The following NAT2 variants were observed in gnomAD, a reference collection of about 807,000 sequenced individuals.
NAT2 encodes the protein arylamine N-acetyltransferase 2.
For missense variants in NAT2, 428 were observed against 339.1 expected (o/e 1.26, Z -2.06); for synonymous variants, 137 against 125.9 (o/e 1.09, Z -0.59).
rs200585149 is a variant in NAT2 at position 18,400,509 on chromosome 8, A to G, written c.506A>G (p.Tyr169Cys). ...CTGGACCAAATCAGGAGAGAGCAGT[A>G]TATTACAAACAAAGAATTTCTTAAT... ...WYLDQIRREQYITNKEFLNSH... is the reference protein window; with the variant it reads ...WYLDQIRREQCITNKEFLNSH... Residue 169 changes from tyrosine to cysteine, a missense_variant, in exon 2 of 2, where the codon TAT (tyrosine) becomes TGT (cysteine). Transcript: ENST00000286479. The G allele has an allele frequency of 6.2e-7, 1 of 1,613,662 alleles. No individual in the cohort carries two copies. The highest frequency in any genetic ancestry group is 2.2e-5 in the East Asian group (1 of 44,866).
chr8:18,399,770 C>T (rs7832071), intron 1 of NAT2, among the ~76,000 whole-genome samples: 59,759 of 151,402 alleles, frequency 0.39, 12,338 homozygotes, highest in Middle Eastern at 0.46. Context: ...GCTTAAAAGA[C>T]GGAAGATACA....
chr8:18,391,550 AC>A (rs1800592329), intron 1 of NAT2, among the ~76,000 whole-genome samples: 1 of 152,028 alleles, frequency 6.6e-6, no homozygotes. Flanking sequence ...GAGTTCAGGC[AC>A]AACTGACCAG....
intron 1 of NAT2, among the ~76,000 whole-genome samples, chr8:18,398,938 A>C (rs1323657677): frequency 6.6e-6 from 1 of 152,198 alleles, no homozygotes; most frequent in African/African-American, 2.4e-5. Flanking sequence ...CAGTAGCTAG[A>C]CAGATCACTT....
upstream of NAT2, among the ~76,000 whole-genome samples, chr8:18,388,925 G>C (rs1393129062): frequency 6.6e-6 from 1 of 152,114 alleles, no homozygotes; most frequent in Non-Finnish European, 1.5e-5. Flanking sequence ...TGGTTTGAAG[G>C]TCTTGATGAC....
chr8:18,399,887 A>G, intron 1 of NAT2, 111 bp from the exon 2 acceptor site: 1 of 1,216,936 alleles, frequency 8.2e-7, no homozygotes, highest in Non-Finnish European at 1.1e-6. Flanking sequence ...ACAGATACTT[A>G]TAACCATTGT....
chr8:18,393,247 C>CA (rs2117613294), intron 1 of NAT2, among the ~76,000 whole-genome samples: 1 of 152,032 alleles, frequency 6.6e-6, no homozygotes, highest in East Asian at 1.9e-4. Flanking sequence ...TAGATAGAGA[C>CA]AGTCATAGCA....
chr8:18,396,630 G>A (rs1219535499), intron 1 of NAT2, among the ~76,000 whole-genome samples: 3 of 152,062 alleles, frequency 2.0e-5, no homozygotes, highest in African/African-American at 4.8e-5. Context: ...CCCTGACCTC[G>A]TGATCTGCCC....
In NAT2 at chr8:18,401,164, G is replaced by C. The variant is rs907108548; in HGVS notation, c.*288G>C. ...AGAAAACATTTAATATTGATTTATT[G>C]TTGAATTCATAGTAAATTTTTACTG... On this transcript the variant is annotated 3_prime_UTR_variant, in exon 2 of 2. Coordinates refer to ENST00000286479, the MANE Select transcript of NAT2 (RefSeq NM_000015.3). 3 of 258,196 alleles carry C rather than the reference G, an allele frequency of 1.2e-5. No homozygotes were observed. The highest frequency in any genetic ancestry group is 5.5e-5 in the Admixed American group (1 of 18,110). 16.0% of individuals were successfully genotyped at this position (258,196 alleles called of 1,614,324 possible).
At chr8:18,395,676 A>C (rs1363287245) in intron 1 of NAT2, among the ~76,000 whole-genome samples, 1 of 152,158 alleles carries the variant, frequency 6.6e-6, no homozygotes, top group East Asian at 1.9e-4. Context: ...TTGAAACTTA[A>C]AACAAGTTTC....
At chr8:18,390,579 T>C (rs879646425), upstream of NAT2, among the ~76,000 whole-genome samples, 29 of 152,216 alleles carry the variant, frequency 1.9e-4, 1 homozygote, top group Admixed American at 1.9e-3. Context: ...AAACATTATA[T>C]ACAATGTTTA....
intron 1 of NAT2, among the ~76,000 whole-genome samples, chr8:18,392,907 A>C (rs1250221614): frequency 1.3e-5 from 2 of 152,174 alleles, no homozygotes; most frequent in Non-Finnish European, 2.9e-5. Context: ...ACCTTTTCTC[A>C]GAAGCAAAAG....
chr8:18,397,363 A>G (rs993246896), intron 1 of NAT2, among the ~76,000 whole-genome samples: 2 of 152,134 alleles, frequency 1.3e-5, no homozygotes, highest in African/African-American at 4.8e-5. Context: ...AAAGTTATAG[A>G]TATAAAGATG....
chr8:18,400,461 C>T lies in NAT2; in HGVS notation c.458C>T (p.Thr153Ile), dbSNP rs72466460. 41 of 1,613,604 alleles carry T rather than the reference C, an allele frequency of 2.5e-5. No individual in the cohort carries two copies. The highest frequency in any genetic ancestry group is 4.0e-5 in the African/African-American group (3 of 74,784). ...QPQVPCIFCL[T>I]EERGIWYLDQ... is the part of the protein sequence containing the mutation. The stretch of plus-strand genomic sequence containing the variant: ...CAGGTGCCTTGCATTTTCTGCTTGA[C>T]AGAAGAGAGAGGAATCTGGTACCTG... The change falls in exon 2 of 2, where the codon ACA becomes ATA. Residue 153 changes from threonine (T) to isoleucine (I), a missense_variant. Coordinates refer to ENST00000286479, the MANE Select transcript of NAT2 (RefSeq NM_000015.3).
At chr8:18,396,572 T>A (rs1800695838) in intron 1 of NAT2, among the ~76,000 whole-genome samples, 1 of 152,170 alleles carries the variant, frequency 6.6e-6, no homozygotes, top group African/African-American at 2.4e-5. Context: ...ATTTTTGTAT[T>A]TTTAGTAGAG....
intron 1 of NAT2, among the ~76,000 whole-genome samples, chr8:18,393,208 G>T (rs998054193): frequency 1.3e-5 from 2 of 152,092 alleles, no homozygotes; most frequent in African/African-American, 4.8e-5. Flanking sequence ...CAAGGTAATA[G>T]CTTTGGGGAG....
rs1381655226 is a variant in NAT2 at position 18,400,584 on chromosome 8, T to C, written c.581T>C (p.Leu194Pro). ...CACCAAAAAATATACTTATTTACGC[T>C]TGAACCTCGAACAATTGAAGATTTT... is the stretch of plus-strand genomic sequence containing the variant. The part of the protein sequence containing the change: ...KKHQKIYLFT[L>P]EPRTIEDFES... The change falls in exon 2 of 2, where the codon CTT (leucine) becomes CCT (proline). Residue 194 changes from leucine (L) to proline (P), a missense_variant. Physicochemically the swap from Leu to Pro is moderately conservative, Grantham distance 98 (BLOSUM62 -3). Coordinates refer to ENST00000286479, the MANE Select transcript of NAT2 (RefSeq NM_000015.3). 5 of 1,613,074 alleles carry C rather than the reference T, an allele frequency of 3.1e-6. No individual in the cohort carries two copies. In the East Asian group the frequency reaches 8.9e-5, roughly 29 times the overall value.
chr8:18,392,990 G>A (rs1385693038), intron 1 of NAT2, among the ~76,000 whole-genome samples: 1 of 152,110 alleles, frequency 6.6e-6, no homozygotes, highest in Non-Finnish European at 1.5e-5. Flanking sequence ...GAAAGGCTTA[G>A]AAACAGGAGA....
chr8:18,386,808 T>C (rs113836586), upstream of NAT2, among the ~76,000 whole-genome samples: 549 of 151,824 alleles, frequency 3.6e-3, 5 homozygotes, highest in African/African-American at 0.013. Flanking sequence ...GGGCCGGATC[T>C]GGTTCACTCT....
intron 1 of NAT2, among the ~76,000 whole-genome samples, chr8:18,394,039 G>C (rs1800639272): frequency 1.3e-5 from 2 of 152,180 alleles, no homozygotes; most frequent in East Asian, 1.9e-4. Context: ...AGTCCTAAAA[G>C]AGAGTCAGTG....
Sources: allele counts gnomAD v4.1 joint callset (sites outside exome capture counted in the v4.1 genomes callset), GRCh38; gene constraint gnomAD v4.1.1; transcripts MANE v1.5; gene names NCBI Gene and HGNC (gene_info 2026-07-23, HGNC 2026-07-21).